The following RBFOX3 variants were observed in gnomAD, a reference collection of about 807,000 sequenced individuals.
The protein encoded by RBFOX3 is RNA binding fox-1 homolog 3.
A neutral mutation model predicts 48.7 loss-of-function variants in RBFOX3; 17 were observed. That is an observed-to-expected ratio of 0.35 (90% CI 0.24 to 0.52). RBFOX3 has a LOEUF of 0.52. Among genes scored for constraint, RBFOX3 ranks in the 20% least tolerant of loss-of-function variants. The pLI is 0.94. For synonymous variants in RBFOX3, 212 were observed against 209.5 expected, an observed-to-expected ratio of 1.01 and a Z score of -0.10; for missense variants, 382 against 497.5, an observed-to-expected ratio of 0.77 and a Z score of 2.21.
chr17:79,137,426 A>T (rs1599610790), intron 4 of RBFOX3, among the ~76,000 whole-genome samples: 1 of 151,422 alleles, frequency 6.6e-6, no homozygotes, highest in South Asian at 2.1e-4. Context: ...GGGCAAAATC[A>T]CCCCCTGTTG....
intron 2 of RBFOX3, among the ~76,000 whole-genome samples, chr17:79,465,238 C>G (rs1453800514): frequency 6.6e-6 from 1 of 152,242 alleles, no homozygotes; most frequent in Non-Finnish European, 1.5e-5. Flanking sequence ...CCATTCAGAG[C>G]TCCCTTTGTT....
chr17:79,142,911 C>T (rs1472882075), intron 4 of RBFOX3, among the ~76,000 whole-genome samples: 3 of 152,146 alleles, frequency 2.0e-5, no homozygotes, highest in Non-Finnish European at 2.9e-5. Flanking sequence ...AGACCACGGC[C>T]TCCCACCCAT....
chr17:79,342,956 GAGAGAA>G lies in RBFOX3; in HGVS notation c.-174-35138_-174-35133del, dbSNP rs566464997. Among the ~76,000 whole-genome samples the G allele has an allele frequency of 6.5e-3, 977 of 151,230 alleles. 6 individuals carry two copies. Among genetic ancestry groups the G allele is most frequent in the Middle Eastern group, 0.014 (4 of 294 alleles). On this transcript the variant is annotated intron_variant, in intron 2 of 14. Transcript: ENST00000693108. ...AGAGAAAGAGAACACAGTGGGGGGA[GAGAGAA>G]AGAGAAAGAGAAAGAGCGAGAGAGA...
chr17:79,297,011 C>T (rs2074489245), intron 3 of RBFOX3, among the ~76,000 whole-genome samples: 2 of 150,124 alleles, frequency 1.3e-5, no homozygotes, highest in South Asian at 2.2e-4. Flanking sequence ...TCTTTCTCCT[C>T]CTGCCCCTCC....
chr17:79,395,592 T>C (rs2061889565), intron 2 of RBFOX3, among the ~76,000 whole-genome samples: 1 of 152,224 alleles, frequency 6.6e-6, no homozygotes, highest in Admixed American at 6.5e-5. Context: ...TGGTGACAGC[T>C]GGCGCCCGCC....
In RBFOX3 at chr17:79,362,029, C is replaced by T. The variant is rs1395026005; in HGVS notation, c.-174-54205G>A. Among the ~76,000 whole-genome samples, 3 of 152,278 alleles carry T rather than the reference C, an allele frequency of 2.0e-5. No individual in the cohort carries two copies. The highest frequency in any genetic ancestry group is 3.4e-3 in the Middle Eastern group (1 of 294). ...CTGTAAATAATACAGCTGCCTTGGA[C>T]GAATGTTCCCTGCCTGCTGCGTATT... is the stretch of plus-strand genomic sequence containing the variant. On this transcript the variant is annotated intron_variant, in intron 2 of 14. Coordinates refer to ENST00000693108, the MANE Select transcript of RBFOX3 (RefSeq NM_001350451.2). This position sits in a 1 kb window ranked among gnomAD's most constrained non-coding sequence, Gnocchi z 4.2.
chr17:79,209,996 CAAA>C (rs11452185), intron 4 of RBFOX3, among the ~76,000 whole-genome samples: 9 of 132,890 alleles, frequency 6.8e-5, no homozygotes, highest in African/African-American at 1.1e-4. Context: ...GACTCCATCT[CAAA>C]AAAAAAAAAA....
chr17:79,303,082 A>C (rs1250864854), intron 3 of RBFOX3, among the ~76,000 whole-genome samples: 1 of 151,738 alleles, frequency 6.6e-6, no homozygotes, highest in Non-Finnish European at 1.5e-5. Context: ...GATGGTGTGC[A>C]CCTGTGGTCC....
chr17:79,145,061 G>A (rs945944055), intron 4 of RBFOX3, among the ~76,000 whole-genome samples: 6 of 152,160 alleles, frequency 3.9e-5, no homozygotes, highest in South Asian at 4.1e-4. Context: ...AGGTGGGGGC[G>A]GGACAGGGTG....
At chr17:79,658,141 G>A in the RBFOX3 span, among the ~76,000 whole-genome samples, 1 of 152,154 alleles carries the variant, frequency 6.6e-6, no homozygotes, top group Non-Finnish European at 1.5e-5. Context: ...TACTATAAAA[G>A]GGAAGGACTT....
intron 4 of RBFOX3, among the ~76,000 whole-genome samples, chr17:79,164,473 G>T (rs1417777681): frequency 6.6e-6 from 1 of 152,166 alleles, no homozygotes; most frequent in African/African-American, 2.4e-5. Flanking sequence ...GCTCCTGGGG[G>T]TGGGCGGCAC....
At position 79,103,037 on chromosome 17, in the gene RBFOX3, A is replaced by C; in HGVS notation, c.507+125T>G. The C allele has an allele frequency of 1.4e-6, 1 of 719,402 alleles. No homozygotes were observed. The highest frequency in any genetic ancestry group is 2.3e-5 in the Admixed American group (1 of 44,292). 44.6% of individuals were successfully genotyped at this position (719,402 alleles called of 1,614,324 possible). On this transcript the variant is annotated intron_variant, in intron 8 of 14. Coordinates refer to ENST00000693108, the MANE Select transcript of RBFOX3 (RefSeq NM_001350451.2). This position sits in a 1 kb window ranked among gnomAD's most constrained non-coding sequence, Gnocchi z 6.1. ...TGGCCTTAGTGCGACCCTTCCTCCC[A>C]CCCCAGGGAACCCTGGCCAGGCTCT...
At chr17:79,379,725 C>T (rs757052125) in intron 2 of RBFOX3, among the ~76,000 whole-genome samples, 4 of 152,262 alleles carry the variant, frequency 2.6e-5, no homozygotes, top group Admixed American at 6.5e-5. Flanking sequence ...GACTCATCTG[C>T]GCCCCCGAAG....
intron 4 of RBFOX3, among the ~76,000 whole-genome samples, chr17:79,192,442 G>A (rs8074262): frequency 0.041 from 6,207 of 152,238 alleles, 439 homozygotes; most frequent in African/African-American, 0.14. Context: ...CACCAAACTC[G>A]GGAGCAGCAA....
intron 1 of RBFOX3, among the ~76,000 whole-genome samples, chr17:79,495,878 AGGGACCCTGCAGGCC>A (rs1253510290): frequency 9.9e-5 from 15 of 151,760 alleles, no homozygotes; most frequent in Admixed American, 2.6e-4. Flanking sequence ...CCCTGTGGGC[AGGGACCCTGCAGGCC>A]GGGACCCTGC....
intron 1 of RBFOX3, among the ~76,000 whole-genome samples, chr17:79,570,501 C>A (rs1180239468): frequency 6.6e-6 from 1 of 152,170 alleles, no homozygotes; most frequent in Non-Finnish European, 1.5e-5. Flanking sequence ...AGCCACGTTG[C>A]TCCTCCCTTC....
chr17:79,624,221 G>C, the RBFOX3 span, among the ~76,000 whole-genome samples: 1 of 152,150 alleles, frequency 6.6e-6, no homozygotes. Flanking sequence ...AACCACCCCA[G>C]TACAGCTTCC....
At chr17:79,561,481 C>G (rs970176526) in intron 1 of RBFOX3, among the ~76,000 whole-genome samples, 11 of 152,200 alleles carry the variant, frequency 7.2e-5, no homozygotes, top group Non-Finnish European at 1.5e-4. Flanking sequence ...TCGCCAAACT[C>G]AGGAGTCCCC....
intron 1 of RBFOX3, among the ~76,000 whole-genome samples, chr17:79,560,907 C>T (rs978953140): frequency 6.6e-5 from 10 of 152,150 alleles, no homozygotes; most frequent in African/African-American, 2.2e-4. Flanking sequence ...GTTGGGGAAA[C>T]GGAAGCTCAT....
Sources: allele counts gnomAD v4.1 joint callset (sites outside exome capture counted in the v4.1 genomes callset), GRCh38; gene constraint gnomAD v4.1.1; non-coding constraint Gnocchi (gnomAD v3.1); transcripts MANE v1.5; gene names NCBI Gene and HGNC (gene_info 2026-07-23, HGNC 2026-07-21).